The following TLN2 variants were observed in gnomAD, a reference collection of about 807,000 sequenced individuals.
TLN2 encodes the protein talin 2.
A neutral mutation model predicts 294.7 loss-of-function variants in TLN2; 118 were observed. That is an observed-to-expected ratio of 0.40 (90% CI 0.34 to 0.47). The LOEUF (loss-of-function observed/expected upper bound fraction) is 0.47. Ranked by LOEUF, TLN2 falls within the 20% of genes least tolerant of loss-of-function variation. The pLI is 0.84. For missense variants in TLN2, 3,083 were observed against 3,282.2 expected, an observed-to-expected ratio of 0.94 and a Z score of 1.48; for synonymous variants, 1,431 against 1,304.5, an observed-to-expected ratio of 1.10 and a Z score of -2.09.
chr15:62,581,807 G>A (rs2045061541), intron 1 of TLN2, among the ~76,000 whole-genome samples: 1 of 152,118 alleles, frequency 6.6e-6, no homozygotes, highest in Non-Finnish European at 1.5e-5. Flanking sequence ...ACTTTGGGAG[G>A]CCGAGGCAGG....
chr15:62,409,523 A>G (rs2033634986), intron 1 of TLN2, among the ~76,000 whole-genome samples: 1 of 152,200 alleles, frequency 6.6e-6, no homozygotes, highest in Non-Finnish European at 1.5e-5. Context: ...CATTTTTTAT[A>G]AAAGCTCATG....
chr15:62,405,907 A>G (rs1329711713), intron 1 of TLN2, among the ~76,000 whole-genome samples: 5 of 152,328 alleles, frequency 3.3e-5, no homozygotes, highest in African/African-American at 9.6e-5. Flanking sequence ...GAGACAGCCC[A>G]ATGGAGCCTG....
intron 11 of TLN2, among the ~76,000 whole-genome samples, chr15:62,684,811 A>G (rs2057150035): frequency 6.6e-6 from 1 of 151,428 alleles, no homozygotes; most frequent in African/African-American, 2.4e-5. Flanking sequence ...TGCAAAGTGA[A>G]AAATGATGAT....
intron 27 of TLN2, among the ~76,000 whole-genome samples, chr15:62,725,396 A>G (rs569055789): frequency 4.5e-4 from 69 of 152,324 alleles, no homozygotes; most frequent in African/African-American, 1.5e-3. Context: ...CATGATGCAC[A>G]TAGAAAAGAT....
intron 1 of TLN2, among the ~76,000 whole-genome samples, chr15:62,468,052 T>G (rs1010490274): frequency 6.6e-6 from 1 of 152,186 alleles, no homozygotes. Context: ...TCCAGACCCT[T>G]AAGTTTTCCT....
intron 55 of TLN2, chr15:62,835,420 T>G (rs1596199547): frequency 2.5e-6 from 1 of 392,504 alleles, no homozygotes. Context: ...AGCAGAGGAG[T>G]AAGTGTAGAA....
chr15:62,813,977 G>A (rs1199790203), intron 52 of TLN2, among the ~76,000 whole-genome samples: 1 of 152,126 alleles, frequency 6.6e-6, no homozygotes, highest in Non-Finnish European at 1.5e-5. Flanking sequence ...ACCAGGCCTA[G>A]CTAATTTTGT....
intron 2 of TLN2, among the ~76,000 whole-genome samples, chr15:62,611,940 T>C (rs1281285189): frequency 2.0e-4 from 31 of 152,234 alleles, no homozygotes; most frequent in Admixed American, 2.0e-3. Context: ...GTACATAGTG[T>C]TAGCAAAGAT....
chr15:62,560,227 C>G (rs1010273995), intron 1 of TLN2, among the ~76,000 whole-genome samples: 1 of 152,156 alleles, frequency 6.6e-6, no homozygotes, highest in African/African-American at 2.4e-5. Flanking sequence ...TTTTCCAATT[C>G]TAATACTCCG....
At chr15:62,730,838 C>T (rs181147140) in intron 28 of TLN2, among the ~76,000 whole-genome samples, 30 of 152,238 alleles carry the variant, frequency 2.0e-4, no homozygotes, top group Middle Eastern at 3.4e-3. Context: ...TGCAAGTGCT[C>T]GTTGAAAATG....
intron 53 of TLN2, 115 bp from the exon 54 acceptor site, chr15:62,820,371 T>C: frequency 9.3e-7 from 1 of 1,071,258 alleles, no homozygotes; most frequent in Admixed American, 2.6e-5. Flanking sequence ...CTTAGGACAA[T>C]GCAGGTCAGG....
chr15:62,744,697 C>T (rs983095607), intron 32 of TLN2, among the ~76,000 whole-genome samples: 1 of 152,148 alleles, frequency 6.6e-6, no homozygotes, highest in African/African-American at 2.4e-5. Flanking sequence ...CAGGCGCATG[C>T]CACCATGCCC....
intron 1 of TLN2, among the ~76,000 whole-genome samples, chr15:62,446,793 T>C (rs2035843915): frequency 6.6e-6 from 1 of 152,210 alleles, no homozygotes; most frequent in Admixed American, 6.5e-5. Context: ...TTCAAAGACA[T>C]GTAAGTTGTG....
intron 52 of TLN2, among the ~76,000 whole-genome samples, chr15:62,810,827 GTC>G (rs946797680): frequency 2.0e-5 from 3 of 152,194 alleles, no homozygotes; most frequent in Admixed American, 6.5e-5. Flanking sequence ...CGTTGATGAT[GTC>G]TCTCCTCCAT....
intron 29 of TLN2, 118 bp from the exon 30 acceptor site, chr15:62,738,096 T>A (rs201783321): frequency 9.0e-7 from 1 of 1,109,818 alleles, no homozygotes; most frequent in Non-Finnish European, 1.3e-6. Context: ...GAGTGGCAGG[T>A]GGATGCTGGT....
chr15:62,691,058 G>T (rs1316724178), intron 12 of TLN2, among the ~76,000 whole-genome samples: 2 of 143,524 alleles, frequency 1.4e-5, no homozygotes, highest in African/African-American at 5.2e-5. Flanking sequence ...GGGAGGGGGA[G>T]GGGAGGGGGA....
At chr15:62,674,517 T>G (rs1181396737) in intron 10 of TLN2, among the ~76,000 whole-genome samples, 1 of 151,722 alleles carries the variant, frequency 6.6e-6, no homozygotes, top group African/African-American at 2.4e-5. Flanking sequence ...CGATATTTTT[T>G]TTTTTTTTGA....
intron 1 of TLN2, among the ~76,000 whole-genome samples, chr15:62,465,868 T>C (rs2037108202): frequency 6.6e-6 from 1 of 152,248 alleles, no homozygotes; most frequent in African/African-American, 2.4e-5. Context: ...AGCTTCCATG[T>C]CTGTCCTTAG....
intron 2 of TLN2, among the ~76,000 whole-genome samples, chr15:62,600,381 C>T (rs978267369): frequency 4.6e-5 from 7 of 151,998 alleles, no homozygotes; most frequent in African/African-American, 1.4e-4. Context: ...AGGAAGGTGC[C>T]ACATTAGAGG....
Sources: gnomAD v4.1 joint callset for allele counts (sites outside exome capture counted in the v4.1 genomes callset) on GRCh38, gnomAD v4.1.1 for gene constraint, MANE v1.5 for transcripts, NCBI Gene and HGNC (gene_info 2026-07-23, HGNC 2026-07-21) for gene names.